Variants in DPP9 observed in about 807,000 individuals in gnomAD.
DPP9 encodes dipeptidyl peptidase IV-related protein-2.
In DPP9, 50 loss-of-function variants were observed where a neutral mutation model predicts 110.7. That is an observed-to-expected ratio of 0.45 (90% confidence interval 0.36 to 0.57). The LOEUF (loss-of-function observed/expected upper bound fraction) is 0.57. DPP9 is among the 20% of genes least tolerant of loss of function. DPP9 has a pLI of 0.00. For missense variants in DPP9, 1,022 were observed against 1,217.9 expected (o/e 0.84, Z 2.39); for synonymous variants, 561 against 514.4 (o/e 1.09, Z -1.23).
Position 4,700,820 on chromosome 19 carries a change from C to T in DPP9, c.1013-543G>A, listed in dbSNP as rs1397890652. Among the ~76,000 whole-genome samples, 1 of 152,192 alleles carries T rather than the reference C, an allele frequency of 6.6e-6. No individual in the cohort carries two copies. The highest frequency in any genetic ancestry group is 2.4e-5 in the African/African-American group (1 of 41,446). On this transcript the variant is annotated intron_variant, in intron 9 of 21. Transcript: ENST00000262960. This position sits in a 1 kb window ranked among gnomAD's most constrained non-coding sequence, Gnocchi z 4.3. Reference sequence around the variant, plus strand: ...TTAGTTCAGGCTCCGAAAGAGGGCGCGGGCCACAGCAGAGCGGAGAATGCT... The same window carrying T: ...TTAGTTCAGGCTCCGAAAGAGGGCGTGGGCCACAGCAGAGCGGAGAATGCT...
rs538112632 is a variant in DPP9 at position 4,710,156 on chromosome 19, C to G, written c.313+3925G>C. On this transcript the variant is annotated intron_variant, in intron 4 of 21. Coordinates refer to ENST00000262960, the MANE Select transcript of DPP9 (RefSeq NM_139159.5). The surrounding 1 kb of genome is among the most constrained non-coding windows in gnomAD (Gnocchi z 5.6). ...ACCTGATGCCAACCTGTCACCCACC[C>G]ATGCCCCGGTGACCCAGGCCTGCGC... Among the ~76,000 whole-genome samples the G allele has an allele frequency of 6.6e-6, 1 of 152,344 alleles. No individual in the cohort carries two copies. Among genetic ancestry groups the G allele is most frequent in the African/African-American group, 2.4e-5 (1 of 41,586 alleles).
rs1243591290 is a variant in DPP9, at chr19:4,700,117, C to T, written c.1074+99G>A. 17 of 1,012,002 alleles carry T rather than the reference C, an allele frequency of 1.7e-5. No homozygotes were observed. Among genetic ancestry groups the T allele is most frequent in the Middle Eastern group, 2.7e-4 (1 of 3,756 alleles). The allele number at this position is 1,012,002 out of a possible 1,614,324, so 62.7% of individuals were successfully genotyped here. ...AGGGCTGGGGCCTGGGGAGTGCCCC[C>T]GAGAGGGAGGTGAGTGACCTGCCCA... On this transcript the variant is annotated intron_variant, in intron 10 of 21. Coordinates refer to ENST00000262960, the MANE Select transcript of DPP9 (RefSeq NM_139159.5). This position sits in a 1 kb window ranked among gnomAD's most constrained non-coding sequence, Gnocchi z 4.3.
intron 2 of DPP9, among the ~76,000 whole-genome samples, chr19:4,722,001 T>G (rs1449348375): frequency 6.6e-6 from 1 of 152,168 alleles, no homozygotes; most frequent in East Asian, 1.9e-4. Flanking sequence ...GAACATGGTA[T>G]GACAGTATCT....
chr19:4,676,539 A>C lies in DPP9; in HGVS notation c.*25T>G, dbSNP rs746390008. 6.3e-7 allele frequency: 1 copy of C among 1,577,120 alleles called. No homozygotes were observed. The highest frequency in any genetic ancestry group is 2.3e-5 in the East Asian group (1 of 42,990). On this transcript the variant is annotated 3_prime_UTR_variant, in exon 22 of 22. Transcript: ENST00000262960. The surrounding 1 kb of genome is among the most constrained non-coding windows in gnomAD (Gnocchi z 4.0). ...GGAGGCTGCAGCCACTTGTGCTGTG[A>C]TGTGGCGGCTCCCGGTGGGCAGGCT...
chr19:4,722,310 G>C lies in DPP9; in HGVS notation c.-36+189C>G, dbSNP rs56077669. On this transcript the variant is annotated intron_variant, in intron 2 of 21. Coordinates refer to ENST00000262960, the MANE Select transcript of DPP9 (RefSeq NM_139159.5). ...AAAGCTCCTTCCAGGGGCAGCTAGA[G>C]GGGGACAGGGGTGGAAAGAAAAGCC... is the stretch of plus-strand genomic sequence containing the variant. The C allele has an allele frequency of 3.6e-3, 2,062 of 574,180 alleles. 5 individuals carry two copies. The highest frequency in any genetic ancestry group is 4.3e-3 in the Non-Finnish European group (1,377 of 323,362). The allele number at this position is 574,180 out of a possible 1,614,324, so 35.6% of individuals were successfully genotyped here. A position where few individuals can be genotyped will look rare whatever the true frequency, so the allele number is the denominator to read the frequency against.
chr19:4,695,402 C>T lies in DPP9; in HGVS notation c.1329G>A (p.Glu443=), dbSNP rs556477486. The T allele has an allele frequency of 1.9e-6, 3 of 1,588,190 alleles. No individual in the cohort carries two copies. The highest frequency in any genetic ancestry group is 2.6e-6 in the Non-Finnish European group (3 of 1,167,224). Residue 443 remains glutamate, a synonymous_variant, in exon 12 of 22, where the codon GAG becomes GAA. Transcript: ENST00000262960. This position sits in a 1 kb window ranked among gnomAD's most constrained non-coding sequence, Gnocchi z 4.7. ...CATTGATCCAGACGTTGGTGACCTC[C>T]TCGTACACCACATACGGCTGGACAT... ...PRNVQPYVVY[E]EVTNVWINVH...
chr19:4,721,079 T>G (rs758395925), intron 2 of DPP9, among the ~76,000 whole-genome samples: 3 of 152,126 alleles, frequency 2.0e-5, no homozygotes, highest in Non-Finnish European at 4.4e-5. Context: ...CCAGGGGACA[T>G]TTTTGGTTAT....
Position 4,676,660 on chromosome 19 carries a change from C to G in DPP9, c.2587-4G>C. On this transcript the variant is annotated splice_region_variant and splice_polypyrimidine_tract_variant and intron_variant, in intron 21 of 21. Coordinates refer to ENST00000262960, the MANE Select transcript of DPP9 (RefSeq NM_139159.5). The surrounding 1 kb of genome is among the most constrained non-coding windows in gnomAD (Gnocchi z 4.0). The stretch of plus-strand genomic sequence containing the variant: ...TGTGTCTCTCGTTGGGGTAGATCTG[C>G]GGGGAGACAGGAGGCAGGGCTGGGG... The G allele has an allele frequency of 6.3e-7, 1 of 1,595,704 alleles. No homozygotes were observed. The highest frequency in any genetic ancestry group is 8.5e-7 in the Non-Finnish European group (1 of 1,171,276).
chr19:4,699,900 C>A lies in DPP9; in HGVS notation c.1074+316G>T, dbSNP rs1022288051. 9.9e-5 allele frequency among the ~76,000 whole-genome samples: 15 copies of A among 152,222 alleles called. 1 individual carries two copies. In the South Asian group the frequency reaches 1.0e-3, roughly 11 times the overall value. On this transcript the variant is annotated intron_variant, in intron 10 of 21. Coordinates refer to ENST00000262960, the MANE Select transcript of DPP9 (RefSeq NM_139159.5). ...CTCTGGATCCACACGTCACCCACTC[C>A]CGAGGTGGCCTGGGAGCACCTGCCG...
rs11085087 is a variant in DPP9, at chr19:4,718,189, G to T, written c.56+1662C>A. 0.4 allele frequency among the ~76,000 whole-genome samples: 60,394 copies of T among 151,880 alleles called. 12,285 individuals are homozygous for T. The highest frequency in any genetic ancestry group is 0.57 in the Middle Eastern group (168 of 294). On this transcript the variant is annotated intron_variant, in intron 3 of 21. Coordinates refer to ENST00000262960, the MANE Select transcript of DPP9 (RefSeq NM_139159.5). This position sits in a 1 kb window ranked among gnomAD's most constrained non-coding sequence, Gnocchi z 4.3. ...GCCACCTCGGTCTAGCAAATAGCTG[G>T]GATGAGAGGGGTGCAAGCCACCGTG... is the stretch of plus-strand genomic sequence containing the variant.
At chr19:4,717,783 C>G (rs1162100347) in intron 3 of DPP9, 1 of 152,270 alleles carries the variant, frequency 6.6e-6, no homozygotes, top group Non-Finnish European at 1.5e-5. Context: ...CTCCGCTGAC[C>G]TCTCTTCTAC....
intron 3 of DPP9, among the ~76,000 whole-genome samples, chr19:4,714,768 C>A (rs2092996978): frequency 6.6e-6 from 1 of 152,006 alleles, no homozygotes; most frequent in Non-Finnish European, 1.5e-5. Flanking sequence ...TAAAACCCTT[C>A]CTGGTTTTCC....
chr19:4,718,852 C>T lies in DPP9; in HGVS notation c.56+999G>A, dbSNP rs1185785804. ...GCTGAGCATGCTCCATTGAAGCAAACAAGCCTAAGAGTATTAGAAAATTGA... is the reference window on the plus strand; with the variant it reads ...GCTGAGCATGCTCCATTGAAGCAAATAAGCCTAAGAGTATTAGAAAATTGA... On this transcript the variant is annotated intron_variant, in intron 3 of 21. Coordinates refer to ENST00000262960, the MANE Select transcript of DPP9 (RefSeq NM_139159.5). This position sits in a 1 kb window ranked among gnomAD's most constrained non-coding sequence, Gnocchi z 4.3. 6.6e-6 allele frequency among the ~76,000 whole-genome samples: 1 copy of T among 152,158 alleles called. No homozygotes were observed. Among genetic ancestry groups the T allele is most frequent in the Non-Finnish European group, 1.5e-5 (1 of 68,026 alleles).
chr19:4,702,477 G>A (rs2092324087), intron 8 of DPP9, 126 bp downstream of exon 8: 3 of 759,628 alleles, frequency 3.9e-6, no homozygotes, highest in Non-Finnish European at 6.6e-6. Context: ...AACTCTCTAG[G>A]TGTTGGTATT....
At chr19:4,690,789 G>A (rs2091247922) in intron 14 of DPP9, 89 bp downstream of exon 14, 2 of 980,190 alleles carry the variant, frequency 2.0e-6, no homozygotes, top group Non-Finnish European at 1.6e-6. Flanking sequence ...GAGTGTATGT[G>A]TGTGTATGCG....
chr19:4,699,319 G>A (rs1374768264), intron 10 of DPP9, among the ~76,000 whole-genome samples: 1 of 152,062 alleles, frequency 6.6e-6, no homozygotes, highest in Non-Finnish European at 1.5e-5. Flanking sequence ...GACGCCTGGT[G>A]TCCCCATCAT....
Position 4,684,151 on chromosome 19 carries a change from T to A in DPP9, c.2178+512A>T. The A allele has an allele frequency of 3.6e-6, 1 of 279,764 alleles. No homozygotes were observed. Among genetic ancestry groups the A allele is most frequent in the Non-Finnish European group, 7.1e-6 (1 of 141,352 alleles). The allele number at this position is 279,764 out of a possible 1,614,324, so 17.3% of individuals were successfully genotyped here. A position where few individuals can be genotyped will look rare whatever the true frequency, so the allele number is the denominator to read the frequency against. ...CTCATGTGAATGGGATGAGGGGCCC[T>A]TATAAAAGGGCCTGATGGAGGGAGG... On this transcript the variant is annotated intron_variant, in intron 18 of 21. Transcript: ENST00000262960. This position sits in a 1 kb window ranked among gnomAD's most constrained non-coding sequence, Gnocchi z 4.8.
rs1378427480 is a variant in DPP9 at position 4,714,182 on chromosome 19, C to T, written c.212G>A (p.Arg71His). 5.0e-6 allele frequency: 8 copies of T among 1,611,386 alleles called. No homozygotes were observed. The highest frequency in any genetic ancestry group is 1.1e-5 in the South Asian group (1 of 90,664). Residue 71 changes from arginine to histidine, a missense_variant, in exon 4 of 22, where the codon CGC becomes CAC. Physicochemically the swap from Arg to His is conservative, Grantham distance 29 (BLOSUM62 0). This residue lies in a region of DPP9 where 810 missense variants were observed against 920.6 expected (regional missense o/e 0.88). Transcript: ENST00000262960. ...GTTGACAATGAGGCCCGAGTACTTG[C>T]GGCTGCCGTGGATGATGCTCCGGAG... ...DGLRSIIHGSRKYSGLIVNKA... is the reference protein window; with the variant it reads ...DGLRSIIHGSHKYSGLIVNKA...
rs987881522 is a variant in DPP9 at position 4,694,964 on chromosome 19, A to G, written c.1354-141T>C. ...GGAATTTCAGAGACCAGCCTGGACA[A>G]CATAGTAAGACCCCACCTCTAAAAA... On this transcript the variant is annotated intron_variant, in intron 12 of 21. Transcript: ENST00000262960. The surrounding 1 kb of genome is among the most constrained non-coding windows in gnomAD (Gnocchi z 4.0). 1.4e-6 allele frequency: 1 copy of G among 713,498 alleles called. No individual in the cohort carries two copies. The highest frequency in any genetic ancestry group is 2.3e-6 in the Non-Finnish European group (1 of 434,584). The allele number at this position is 713,498 out of a possible 1,614,324, so 44.2% of individuals were successfully genotyped here.
Sources: allele counts gnomAD v4.1 joint callset (sites outside exome capture counted in the v4.1 genomes callset), GRCh38; gene constraint gnomAD v4.1.1; regional missense constraint gnomAD v4.1.1; non-coding constraint Gnocchi (gnomAD v3.1); transcripts MANE v1.5; gene names NCBI Gene and HGNC (gene_info 2026-07-23, HGNC 2026-07-21).